ACOX1: variants seen among roughly 807,000 people sequenced by gnomAD.
The protein encoded by ACOX1 is peroxisomal acyl-coenzyme A oxidase 1.
Under a neutral mutation model 75.5 loss-of-function variants are expected in ACOX1, and 41 were observed. That is an observed-to-expected ratio of 0.54 (90% CI 0.42 to 0.70). ACOX1 has a LOEUF of 0.70. ACOX1 is among the 30% of genes least tolerant of loss of function. The pLI is 0.00. For missense variants in ACOX1, 630 were observed against 837.5 expected (o/e 0.75, Z 3.06); for synonymous variants, 303 against 298.8 (o/e 1.01, Z -0.15).
chr17:75,949,411 AATATACAGTGACTAGGGTTTCT>A, intron 11 of ACOX1, 51 bp from the exon 12 acceptor site: 1 of 1,613,160 alleles, frequency 6.2e-7, no homozygotes. Context: ...AAAAAGATTC[AATATACAGTGACTAGGGTTTCT>A]GTACCAGAAA....
At position 75,951,504 on chromosome 17, in the gene ACOX1, C is replaced by G; in HGVS notation, c.1018G>C (p.Ala340Pro). The change falls in exon 8 of 14, where the codon GCC (alanine) becomes CCC (proline). Residue 340 changes from alanine to proline, a missense_variant. Ala to Pro is a conservative substitution (Grantham distance 27). Around this residue, in one of 2 missense-constraint regions of ACOX1, gnomAD observed 390 missense variants for 574.9 expected, o/e 0.68. Transcript: ENST00000293217. Reference sequence around the variant, plus strand: ...ATGTATGCGCCCACAAACTGGAAGGCATAGGCAGTGGCCAGGAGTGGAAAG... The same window carrying G: ...ATGTATGCGCCCACAAACTGGAAGGGATAGGCAGTGGCCAGGAGTGGAAAG... Reference protein sequence around the residue: ...KLFPLLATAYAFQFVGAYMKE... With the variant: ...KLFPLLATAYPFQFVGAYMKE... The G allele has an allele frequency of 6.2e-7, 1 of 1,614,072 alleles. No homozygotes were observed. The highest frequency in any genetic ancestry group is 8.5e-7 in the Non-Finnish European group (1 of 1,180,022).
intron 7 of ACOX1, among the ~76,000 whole-genome samples, chr17:75,952,033 G>A (rs1052209263): frequency 1.3e-5 from 2 of 152,034 alleles, no homozygotes; most frequent in Non-Finnish European, 2.9e-5. Flanking sequence ...TAGGCTGACA[G>A]AATTTTCTGG....
At position 75,946,269 on chromosome 17, in the gene ACOX1, C is replaced by T. The variant is rs757537425; in HGVS notation, c.*479G>A. 1 of 182,740 alleles carries T rather than the reference C, an allele frequency of 5.5e-6. No individual in the cohort carries two copies. The highest frequency in any genetic ancestry group is 2.4e-5 in the African/African-American group (1 of 41,720). The allele number at this position is 182,740 out of a possible 1,614,324, so 11.3% of individuals were successfully genotyped here. On this transcript the variant is annotated 3_prime_UTR_variant, in exon 14 of 14. Transcript: ENST00000293217. ...AGTTTTCCAATAAGTTTCCTTCCCC[C>T]AGTCCCTTTTCTTCAATCCTGCTTT...
rs964784150 is a variant in ACOX1 at position 75,943,012 on chromosome 17, G to T, written c.*3736C>A. 1.3e-5 allele frequency: 2 copies of T among 151,988 alleles called. No individual in the cohort carries two copies. The highest frequency in any genetic ancestry group is 2.9e-5 in the Non-Finnish European group (2 of 68,014). 9.4% of individuals were successfully genotyped at this position (151,988 alleles called of 1,614,324 possible). A position where few individuals can be genotyped will look rare whatever the true frequency, so the allele number is the denominator to read the frequency against. The stretch of plus-strand genomic sequence containing the variant: ...ATCCCAGCACTTTGGGAAGTGTGGG[G>T]GGAGTGGGAGTGCAGATCACCTGGC... On this transcript the variant is annotated 3_prime_UTR_variant, in exon 14 of 14. Coordinates refer to ENST00000293217, the MANE Select transcript of ACOX1 (RefSeq NM_004035.7).
chr17:75,974,646 C>T (rs573633844), intron 2 of ACOX1, among the ~76,000 whole-genome samples: 5 of 152,276 alleles, frequency 3.3e-5, no homozygotes, highest in Admixed American at 3.3e-4. Flanking sequence ...TTTATCCTAA[C>T]CTGTGCAATG....
At chr17:75,963,359 C>T (rs978464543) in intron 2 of ACOX1, among the ~76,000 whole-genome samples, 3 of 152,084 alleles carry the variant, frequency 2.0e-5, no homozygotes, top group African/African-American at 7.2e-5. Context: ...TCACCTCGTC[C>T]TGTCTCCTAG....
intron 4 of ACOX1, among the ~76,000 whole-genome samples, chr17:75,956,996 TATATATATATATAC>T (rs1332237145): frequency 2.0e-4 from 15 of 75,162 alleles, no homozygotes; most frequent in Non-Finnish European, 4.6e-4. Flanking sequence ...TATATATATA[TATATATATATATAC>T]ACACACACAC....
chr17:75,949,667 C>T, intron 10 of ACOX1, 51 bp downstream of exon 10: 1 of 1,613,664 alleles, frequency 6.2e-7, no homozygotes, highest in African/African-American at 1.3e-5. Context: ...TGCCATCTGT[C>T]AGGGCCCCAG....
At position 75,948,347 on chromosome 17, in the gene ACOX1, C is replaced by T; in HGVS notation, c.1839G>A (p.Gln613=). The T allele has an allele frequency of 1.2e-6, 2 of 1,614,138 alleles. No individual in the cohort carries two copies. Among genetic ancestry groups the T allele is most frequent in the Non-Finnish European group, 1.7e-6 (2 of 1,180,034 alleles). The change falls in exon 13 of 14, where the codon CAG becomes CAA. Residue 613 remains glutamine (Q), a synonymous_variant. Transcript: ENST00000293217. ...AVALVDAFDF[Q]DVTLGSVLGR... is the part of the protein sequence containing the mutation. ...CAAGCACAGAGCCAAGTGTCACATC[C>T]TGAAAATCAAATGCATCAACCAAAG...
intron 3 of ACOX1, among the ~76,000 whole-genome samples, chr17:75,959,661 G>A (rs977603679): frequency 3.9e-5 from 6 of 152,160 alleles, no homozygotes; most frequent in African/African-American, 1.4e-4. Flanking sequence ...CCAAATGCCT[G>A]CAAGTTCGGC....
intron 7 of ACOX1, among the ~76,000 whole-genome samples, chr17:75,952,393 C>A (rs946558566): frequency 6.6e-6 from 1 of 151,928 alleles, no homozygotes; most frequent in African/African-American, 2.4e-5. Flanking sequence ...TTCCTGGGTT[C>A]AAGTGATTCT....
intron 2 of ACOX1, among the ~76,000 whole-genome samples, chr17:75,975,050 CAAAA>C (rs1022347068): frequency 6.0e-4 from 24 of 40,274 alleles, no homozygotes; most frequent in African/African-American, 1.3e-3. Context: ...ACTCTGTCTC[CAAAA>C]AAAAAAAAAA....
At chr17:75,946,841 T>C (rs933172208) in intron 13 of ACOX1, 46 bp from the exon 14 acceptor site, 3 of 1,565,318 alleles carry the variant, frequency 1.9e-6, no homozygotes, top group African/African-American at 1.4e-5. Context: ...GAGTTTGCCA[T>C]GTTAAATAGT....
chr17:75,974,330 T>C (rs2066024265), intron 2 of ACOX1, among the ~76,000 whole-genome samples: 1 of 152,200 alleles, frequency 6.6e-6, no homozygotes, highest in Non-Finnish European at 1.5e-5. Flanking sequence ...GGCAGAATCA[T>C]ACATCGCTAA....
chr17:75,954,520 C>CAAA (rs1166502215), intron 6 of ACOX1, among the ~76,000 whole-genome samples: 1 of 57,636 alleles, frequency 1.7e-5, no homozygotes, highest in Admixed American at 2.0e-4. Context: ...CTCTCTCTCT[C>CAAA]AAAAAAAAAA....
chr17:75,965,581 A>G (rs951586033), intron 2 of ACOX1, among the ~76,000 whole-genome samples: 11 of 152,034 alleles, frequency 7.2e-5, no homozygotes, highest in African/African-American at 2.7e-4. Flanking sequence ...AAATACACGT[A>G]TCTTGAAATG....
intron 4 of ACOX1, 171 bp downstream of exon 4, chr17:75,957,288 C>T: frequency 1.5e-6 from 1 of 655,028 alleles, no homozygotes; most frequent in East Asian, 2.9e-5. Context: ...AGCATATTAA[C>T]CAGGCTGGTC....
intron 2 of ACOX1, among the ~76,000 whole-genome samples, chr17:75,968,252 C>T (rs1397168430): frequency 2.7e-5 from 4 of 147,174 alleles, no homozygotes; most frequent in Non-Finnish European, 6.0e-5. Context: ...CTGGCTAAAA[C>T]GGTGAAACCC....
In ACOX1 at chr17:75,944,517, G is replaced by A. The variant is rs1444538666; in HGVS notation, c.*2231C>T. On this transcript the variant is annotated 3_prime_UTR_variant, in exon 14 of 14. Transcript: ENST00000293217. ...CAGCTGATTTACAGCTGTCCACTCA[G>A]GCAGGTATCACTCCTTCCTTTTTTG... 2.0e-5 allele frequency: 3 copies of A among 152,086 alleles called. No individual in the cohort carries two copies. The highest frequency in any genetic ancestry group is 4.8e-5 in the African/African-American group (2 of 41,408). 9.4% of individuals were successfully genotyped at this position (152,086 alleles called of 1,614,324 possible).
Sources: gnomAD v4.1 joint callset for allele counts (sites outside exome capture counted in the v4.1 genomes callset) on GRCh38, gnomAD v4.1.1 for gene constraint, gnomAD v4.1.1 regional missense constraint, MANE v1.5 for transcripts, NCBI Gene and HGNC (gene_info 2026-07-23, HGNC 2026-07-21) for gene names.